The following ADRA1B variants were observed in gnomAD, a reference collection of about 807,000 sequenced individuals.
The protein encoded by ADRA1B is adrenoceptor alpha 1B.
In ADRA1B, 17 loss-of-function variants were observed where a neutral mutation model predicts 17.9. That is an observed-to-expected ratio of 0.95 (90% CI 0.65 to 1.42). The LOEUF is 1.42. Ranked by LOEUF, ADRA1B falls within the 40% of genes most tolerant of loss-of-function variation. The pLI is 0.00. For missense variants in ADRA1B, 681 were observed against 722.1 expected (o/e 0.94, Z 0.65); for synonymous variants, 366 against 327.6 (o/e 1.12, Z -1.27).
chr5:159,899,090 T>C (rs1754067405), intron 1 of ADRA1B, among the ~76,000 whole-genome samples: 1 of 151,282 alleles, frequency 6.6e-6, no homozygotes, highest in Admixed American at 6.6e-5. Context: ...GAGGTTGCAG[T>C]GAGCCTTGAT....
chr5:159,891,515 ATG>A (rs774401877), intron 1 of ADRA1B, among the ~76,000 whole-genome samples: 1 of 152,158 alleles, frequency 6.6e-6, no homozygotes, highest in Non-Finnish European at 1.5e-5. Flanking sequence ...GCAGGTAAGA[ATG>A]TGGCTTACAG....
At chr5:159,959,856 C>G (rs1755632055) in intron 1 of ADRA1B, among the ~76,000 whole-genome samples, 1 of 151,488 alleles carries the variant, frequency 6.6e-6, no homozygotes, top group African/African-American at 2.4e-5. Flanking sequence ...TAGTTCTGGC[C>G]TTCCCCACCC....
chr5:159,982,168 T>C, the ADRA1B span, among the ~76,000 whole-genome samples: 1 of 152,164 alleles, frequency 6.6e-6, no homozygotes, highest in Non-Finnish European at 1.5e-5. Flanking sequence ...AACTCCTAAG[T>C]GAGAATCAAC....
intron 1 of ADRA1B, among the ~76,000 whole-genome samples, chr5:159,961,712 C>T (rs1361160324): frequency 6.6e-6 from 1 of 152,158 alleles, no homozygotes; most frequent in Admixed American, 6.5e-5. Flanking sequence ...CCACTGACTC[C>T]CCTGAGGTCA....
chr5:159,982,976 A>G, the ADRA1B span, among the ~76,000 whole-genome samples: 2 of 152,356 alleles, frequency 1.3e-5, no homozygotes, highest in Middle Eastern at 3.4e-3. Flanking sequence ...ACACACATGC[A>G]GGACGTGGCT....
At chr5:159,913,273 T>C (rs1465174207), upstream of ADRA1B, among the ~76,000 whole-genome samples, 1 of 152,098 alleles carries the variant, frequency 6.6e-6, no homozygotes, top group Admixed American at 6.6e-5. Context: ...AAATGAAATA[T>C]CGTCTGTGTT....
chr5:159,972,677 G>T lies in ADRA1B; in HGVS notation c.*185G>T. ...GGGGCATGGGTGCCAGGTACCACGC[G>T]GAAAGCCGGGCCGAGCATGCTGAGA... On this transcript the variant is annotated 3_prime_UTR_variant, in exon 2 of 2. Coordinates refer to ENST00000306675, the MANE Select transcript of ADRA1B (RefSeq NM_000679.4). 1 of 695,354 alleles carries T rather than the reference G, an allele frequency of 1.4e-6. No individual in the cohort carries two copies. Among genetic ancestry groups the T allele is most frequent in the Non-Finnish European group, 2.2e-6 (1 of 461,070 alleles). 43.1% of individuals were successfully genotyped at this position (695,354 alleles called of 1,614,324 possible). A position where few individuals can be genotyped will look rare whatever the true frequency, so the allele number is the denominator to read the frequency against.
intron 1 of ADRA1B, among the ~76,000 whole-genome samples, chr5:159,880,691 T>C (rs776471232): frequency 1.4e-4 from 22 of 152,186 alleles, no homozygotes; most frequent in Non-Finnish European, 2.8e-4. Flanking sequence ...TGCCCCCTTT[T>C]TATTTCTACC....
chr5:159,982,995 A>G, the ADRA1B span, among the ~76,000 whole-genome samples: 2 of 152,320 alleles, frequency 1.3e-5, no homozygotes, highest in East Asian at 3.9e-4. Flanking sequence ...CTCTGACTCA[A>G]TCTGATGTGG....
At chr5:159,921,952 T>TTTA (rs1754493746) in intron 1 of ADRA1B, among the ~76,000 whole-genome samples, 1 of 152,194 alleles carries the variant, frequency 6.6e-6, no homozygotes, top group Non-Finnish European at 1.5e-5. Context: ...AATCAATTGG[T>TTTA]TTGAGTACTT....
At chr5:159,923,160 G>T (rs1444255926) in intron 1 of ADRA1B, among the ~76,000 whole-genome samples, 1 of 152,294 alleles carries the variant, frequency 6.6e-6, no homozygotes, top group African/African-American at 2.4e-5. Flanking sequence ...GCAGGTGCGT[G>T]TCAAGGCCAG....
intron 1 of ADRA1B, among the ~76,000 whole-genome samples, chr5:159,892,586 T>C (rs1007729456): frequency 6.6e-6 from 1 of 152,224 alleles, no homozygotes; most frequent in African/African-American, 2.4e-5. Flanking sequence ...CATGTGGTAT[T>C]TGGCTTTCTG....
Position 159,947,706 on chromosome 5 carries a change from A to C in ADRA1B, c.950-24173A>C, listed in dbSNP as rs1421085395. 3 of 985,262 alleles carry C rather than the reference A, an allele frequency of 3.0e-6. No homozygotes were observed. The East Asian group carries it at 3.4e-4, about 112-fold the overall frequency. The allele number at this position is 985,262 out of a possible 1,614,324, so 61.0% of individuals were successfully genotyped here. On this transcript the variant is annotated intron_variant, in intron 1 of 1. Transcript: ENST00000306675. The stretch of plus-strand genomic sequence containing the variant: ...TCTTTCCAGAAAGCAAAGGCTCTTT[A>C]AGCTTGAAGACGTTGAATGCTTGCT...
intron 1 of ADRA1B, among the ~76,000 whole-genome samples, chr5:159,937,354 G>T (rs754621527): frequency 6.6e-6 from 1 of 152,110 alleles, no homozygotes; most frequent in Non-Finnish European, 1.5e-5. Context: ...TAAACAACTT[G>T]CCCAGGGTCA....
chr5:159,960,943 T>C (rs1038229577), intron 1 of ADRA1B, among the ~76,000 whole-genome samples: 3 of 152,204 alleles, frequency 2.0e-5, no homozygotes, highest in Non-Finnish European at 4.4e-5. Context: ...GAGTCAGACA[T>C]GAACCCTCTT....
At chr5:159,983,026 C>A in the ADRA1B span, among the ~76,000 whole-genome samples, 2 of 152,344 alleles carry the variant, frequency 1.3e-5, no homozygotes, top group South Asian at 4.1e-4. Flanking sequence ...GTTAATCCTG[C>A]TGAAGGCCAC....
chr5:159,932,073 T>G (rs1305852556), intron 1 of ADRA1B, among the ~76,000 whole-genome samples: 2 of 152,268 alleles, frequency 1.3e-5, no homozygotes, highest in African/African-American at 4.8e-5. Context: ...CTTTTTTCAC[T>G]GATCAGCAAG....
intron 1 of ADRA1B, among the ~76,000 whole-genome samples, chr5:159,934,338 G>A (rs1485265958): frequency 6.6e-6 from 1 of 152,132 alleles, no homozygotes; most frequent in Admixed American, 6.5e-5. Flanking sequence ...CAGAAGCCTG[G>A]GCTCACCAAG....
chr5:159,914,422 G>A (rs1294962880), upstream of ADRA1B, among the ~76,000 whole-genome samples: 1 of 152,172 alleles, frequency 6.6e-6, no homozygotes, highest in Non-Finnish European at 1.5e-5. Context: ...TCCAACACAG[G>A]AAGATAAGCA....
Sources: gnomAD v4.1 joint callset for allele counts (sites outside exome capture counted in the v4.1 genomes callset) on GRCh38, gnomAD v4.1.1 for gene constraint, MANE v1.5 for transcripts, NCBI Gene and HGNC (gene_info 2026-07-23, HGNC 2026-07-21) for gene names.